AKAP3: variants seen among roughly 807,000 people sequenced by gnomAD.
AKAP3 encodes the protein A-kinase anchor protein 3.
AKAP3 carries 27 observed loss-of-function variants against 57.2 expected under a neutral mutation model. That is an observed-to-expected ratio of 0.47 (90% CI 0.35 to 0.65). The LOEUF (loss-of-function observed/expected upper bound fraction) is 0.65, where lower values mean the gene tolerates loss of function less well. AKAP3 is among the 30% of genes least tolerant of loss of function. The probability of loss-of-function intolerance (pLI) is 0.01; values close to 1 mark genes in which losing one functional copy is unlikely to be tolerated. For synonymous variants in AKAP3, 334 were observed against 392.3 expected (o/e 0.85, Z 1.76); for missense variants, 959 against 1,040.0 (o/e 0.92, Z 1.07).
chr12:4,646,666 G>GA (rs533507139), intron 1 of AKAP3, among the ~76,000 whole-genome samples: 83 of 142,446 alleles, frequency 5.8e-4, no homozygotes, highest in Admixed American at 1.1e-3. Context: ...AGTGAGACTT[G>GA]AAAAAAAAAA....
In AKAP3 at chr12:4,638,665, GTTAC is replaced by G. The variant is rs1945596272; in HGVS notation, c.1-473_1-470del. On this transcript the variant is annotated intron_variant, in intron 3 of 5. Coordinates refer to ENST00000228850, the MANE Select transcript of AKAP3 (RefSeq NM_001278309.2). ...TCATTTTTAATTAATTTCTAAAGCTGTTACTTACTCATACCAGCAGTAAGTCTGG... is the reference window on the plus strand; with the variant it reads ...TCATTTTTAATTAATTTCTAAAGCTGTTACTCATACCAGCAGTAAGTCTGG... Among the ~76,000 whole-genome samples the G allele has an allele frequency of 3.9e-5, 6 of 152,148 alleles. No individual in the cohort carries two copies. In the South Asian group the frequency reaches 1.2e-3, roughly 32 times the overall value.
rs140648530 is a variant in AKAP3, at chr12:4,628,765, C to T, written c.137G>A (p.Arg46His). The T allele has an allele frequency of 1.3e-5, 21 of 1,613,002 alleles. No homozygotes were observed. The highest frequency in any genetic ancestry group is 5.5e-5 in the South Asian group (5 of 91,042). The stretch of plus-strand genomic sequence containing the variant: ...TGCTGTACTCTTCTCCAGGTCTCTG[C>T]GGAGCCAGCTGAGCACTCTGACAGG... Reference protein sequence around the residue: ...TDPVRVLSWLRRDLEKSTAEF... With the variant: ...TDPVRVLSWLHRDLEKSTAEF... The change falls in exon 5 of 6, where the codon CGC (arginine) becomes CAC (histidine). Residue 46 changes from arginine to histidine, a missense_variant. By Grantham distance (29) the Arg-to-His change is conservative. Transcript: ENST00000228850.
rs559761835 is a variant in AKAP3 at position 4,625,247 on chromosome 12, T to C, written c.2406+1249A>G. Among the ~76,000 whole-genome samples, 11 of 152,334 alleles carry C rather than the reference T, an allele frequency of 7.2e-5. No homozygotes were observed. In the South Asian group the frequency reaches 2.3e-3, roughly 32 times the overall value. On this transcript the variant is annotated intron_variant, in intron 5 of 5. Coordinates refer to ENST00000228850, the MANE Select transcript of AKAP3 (RefSeq NM_001278309.2). The surrounding 1 kb of genome is among the most constrained non-coding windows in gnomAD (Gnocchi z 5.4). ...GTGCACACAACTCACCTGGGTATTT[T>C]GCTAAGATGAAGATTCTGATTCAGT...
At chr12:4,619,366 C>T (rs1275659506) in intron 5 of AKAP3, among the ~76,000 whole-genome samples, 1 of 152,024 alleles carries the variant, frequency 6.6e-6, no homozygotes, top group Non-Finnish European at 1.5e-5. Flanking sequence ...TGAGACCAGC[C>T]TGGGCAACAT....
At chr12:4,645,255 G>T (rs7971891) in intron 1 of AKAP3, 63 bp from the exon 2 acceptor site, 4,075 of 152,298 alleles carry the variant, frequency 0.027, 65 homozygotes, top group African/African-American at 0.038. Context: ...CAGTAGTGAG[G>T]CTACCAGAAA....
intron 4 of AKAP3, chr12:4,631,387 G>A (rs1183752189): frequency 2.9e-6 from 2 of 694,698 alleles, no homozygotes; most frequent in African/African-American, 3.5e-5. Flanking sequence ...GGACAGGTGA[G>A]TTTTATGTTT....
intron 4 of AKAP3, among the ~76,000 whole-genome samples, chr12:4,630,112 T>A (rs920852640): frequency 3.3e-5 from 5 of 152,228 alleles, no homozygotes; most frequent in Non-Finnish European, 5.9e-5. Context: ...AGTTCATATG[T>A]CTATCTGGGA....
At chr12:4,644,470 C>A (rs1000624168) in intron 2 of AKAP3, among the ~76,000 whole-genome samples, 2 of 152,200 alleles carry the variant, frequency 1.3e-5, no homozygotes, top group Admixed American at 6.5e-5. Context: ...GGAAGTAAGG[C>A]CCCTCATGTC....
chr12:4,627,266 C>T lies in AKAP3; in HGVS notation c.1636G>A (p.Asp546Asn), dbSNP rs986289722. Residue 546 changes from aspartate to asparagine, a missense_variant, in exon 5 of 6, where the codon GAT becomes AAT. Physicochemically the swap from Asp to Asn is conservative, Grantham distance 23 (BLOSUM62 1). Transcript: ENST00000228850. ...GCAGCTTCAACGAAGCTCCGTGCAT[C>T]CCTTCTTCCTCCCTGGGCCAGGTGA... Reference protein sequence around the residue: ...QYHLAQGGRRDARSFVEAAGT... With the variant: ...QYHLAQGGRRNARSFVEAAGT... 8.1e-6 allele frequency: 13 copies of T among 1,613,934 alleles called. No individual in the cohort carries two copies. Among genetic ancestry groups the T allele is most frequent in the East Asian group, 4.5e-5 (2 of 44,882 alleles).
Position 4,615,593 on chromosome 12 carries a change from A to G in AKAP3, c.*146T>C. 1.7e-5 allele frequency: 18 copies of G among 1,053,314 alleles called. No individual in the cohort carries two copies. Among genetic ancestry groups the G allele is most frequent in the Non-Finnish European group, 2.3e-5 (17 of 755,102 alleles). 65.2% of individuals were successfully genotyped at this position (1,053,314 alleles called of 1,614,324 possible). A position where few individuals can be genotyped will look rare whatever the true frequency, so the allele number is the denominator to read the frequency against. Reference sequence around the variant, plus strand: ...TCTGCAAAATCCAGTGGCTAGCACAAGATGACATGTCTTTGATGAGAGTGG... The same window carrying G: ...TCTGCAAAATCCAGTGGCTAGCACAGGATGACATGTCTTTGATGAGAGTGG... On this transcript the variant is annotated 3_prime_UTR_variant, in exon 6 of 6. Transcript: ENST00000228850.
chr12:4,627,644 C>T lies in AKAP3; in HGVS notation c.1258G>A (p.Val420Met). Residue 420 changes from valine to methionine, a missense_variant, in exon 5 of 6, where the codon GTG becomes ATG. Val to Met is a conservative substitution (Grantham distance 21). Transcript: ENST00000228850. ...GTTTCAGATTTCATGGCAAAGTTCA[C>T]ATTTCGGTTTTTAGGATCACCCATT... ...KGMGDPKNRN[V>M]NFAMKSETKL... is the part of the protein sequence containing the mutation. The T allele has an allele frequency of 6.2e-7, 1 of 1,614,064 alleles. No homozygotes were observed. The highest frequency in any genetic ancestry group is 8.5e-7 in the Non-Finnish European group (1 of 1,180,038).
In AKAP3 at chr12:4,627,087, G is replaced by A. The variant is rs779332390; in HGVS notation, c.1815C>T (p.Thr605=). 1 of 1,614,096 alleles carries A rather than the reference G, an allele frequency of 6.2e-7. No homozygotes were observed. The highest frequency in any genetic ancestry group is 8.5e-7 in the Non-Finnish European group (1 of 1,180,006). Reference sequence around the variant, plus strand: ...CAGGGCTCTGGTCACGCTTGAAAATGGTCTCACTAAGTAAGTTCCGGATGA... The same window carrying A: ...CAGGGCTCTGGTCACGCTTGAAAATAGTCTCACTAAGTAAGTTCCGGATGA... The part of the protein sequence containing the change: ...FNFIRNLLSE[T]IFKRDQSPEP... The change falls in exon 5 of 6, where the codon ACC becomes ACT. Residue 605 remains threonine (T), a synonymous_variant. Coordinates refer to ENST00000228850, the MANE Select transcript of AKAP3 (RefSeq NM_001278309.2).
intron 5 of AKAP3, among the ~76,000 whole-genome samples, chr12:4,617,751 C>CAAA (rs3083727): frequency 0.011 from 1,297 of 118,312 alleles, 18 homozygotes; most frequent in African/African-American, 0.032. Flanking sequence ...GATTCTGTCT[C>CAAA]AAAAAAAAAA....
intron 2 of AKAP3, among the ~76,000 whole-genome samples, chr12:4,644,408 C>T (rs1036058647): frequency 9.9e-5 from 15 of 152,158 alleles, no homozygotes; most frequent in African/African-American, 3.4e-4. Flanking sequence ...CACACAATGA[C>T]TAGGAAAAGT....
chr12:4,635,077 G>A (rs1337081067), intron 4 of AKAP3, among the ~76,000 whole-genome samples: 5 of 152,022 alleles, frequency 3.3e-5, no homozygotes, highest in African/African-American at 1.2e-4. Context: ...TATTGCTAGC[G>A]ATGAGAAATT....
chr12:4,628,428 T>C lies in AKAP3; in HGVS notation c.474A>G (p.Ser158=), dbSNP rs1275009586. Residue 158 remains serine, a synonymous_variant, in exon 5 of 6, where the codon TCA becomes TCG. Coordinates refer to ENST00000228850, the MANE Select transcript of AKAP3 (RefSeq NM_001278309.2). ...DGSENKCVYQ[S]LYMGNEPTPT... ...GTGTGGGTTCATTCCCCATGTACAA[T>C]GACTGATAGACACATTTGTTTTCAG... is the stretch of plus-strand genomic sequence containing the variant. 3.1e-6 allele frequency: 5 copies of C among 1,614,046 alleles called. No homozygotes were observed. The highest frequency in any genetic ancestry group is 1.6e-4 in the Middle Eastern group (1 of 6,082).
rs1223867993 is a variant in AKAP3 at position 4,626,674 on chromosome 12, C to T, written c.2228G>A (p.Gly743Asp). The T allele has an allele frequency of 1.2e-6, 2 of 1,614,194 alleles. No individual in the cohort carries two copies. The highest frequency in any genetic ancestry group is 3.3e-5 in the Admixed American group (2 of 60,028). The change falls in exon 5 of 6, where the codon GGC becomes GAC. Residue 743 changes from glycine (G) to aspartate (D), a missense_variant. Transcript: ENST00000228850. ...CCCTTCAGGGGGCTGTCCTGATGTG[C>T]CTCTCATTTCATTATGGATAGCTTG... Reference protein sequence around the residue: ...AYQAIHNEMRGTSGQPPEGCA... With the variant: ...AYQAIHNEMRDTSGQPPEGCA...
chr12:4,639,547 G>C (rs890499120), intron 3 of AKAP3, among the ~76,000 whole-genome samples: 1 of 151,780 alleles, frequency 6.6e-6, no homozygotes, highest in African/African-American at 2.4e-5. Flanking sequence ...ATTTACATTA[G>C]GTATTTCTCC....
chr12:4,646,075 G>C (rs1386034021), intron 1 of AKAP3, among the ~76,000 whole-genome samples: 1 of 151,782 alleles, frequency 6.6e-6, no homozygotes, highest in African/African-American at 2.4e-5. Flanking sequence ...ACCATCTCTG[G>C]GTTATAATTT....
Sources: allele counts gnomAD v4.1 joint callset (sites outside exome capture counted in the v4.1 genomes callset), GRCh38; gene constraint gnomAD v4.1.1; non-coding constraint Gnocchi (gnomAD v3.1); transcripts MANE v1.5; gene names NCBI Gene and HGNC (gene_info 2026-07-23, HGNC 2026-07-21).